NRXN1: variants seen among roughly 807,000 people sequenced by gnomAD.
NRXN1 encodes the protein neurexin 1.
A neutral mutation model predicts 150.9 loss-of-function variants in NRXN1; 39 were observed. The ratio of observed to expected loss-of-function variants is 0.26; its 90% CI spans 0.20 to 0.34. The LOEUF (loss-of-function observed/expected upper bound fraction) is 0.34. NRXN1 is among the 10% of genes least tolerant of loss of function. NRXN1 has a pLI of 1.00. For synonymous variants in NRXN1, 924 were observed against 757.0 expected, an observed-to-expected ratio of 1.22 and a Z score of -3.62; for missense variants, 1,815 against 1,949.9, an observed-to-expected ratio of 0.93 and a Z score of 1.30.
At chr2:50,274,906 A>G (rs2070235521) in intron 17 of NRXN1, among the ~76,000 whole-genome samples, 3 of 152,200 alleles carry the variant, frequency 2.0e-5, no homozygotes. Flanking sequence ...TCTGTACAAC[A>G]GATTTTCTCT....
At chr2:50,411,945 G>C (rs949657902) in intron 17 of NRXN1, among the ~76,000 whole-genome samples, 2 of 152,180 alleles carry the variant, frequency 1.3e-5, no homozygotes, top group African/African-American at 4.8e-5. Flanking sequence ...GTAGACATAG[G>C]AGACTCCATT....
chr2:50,445,329 G>A (rs983719124), intron 17 of NRXN1, among the ~76,000 whole-genome samples: 2 of 152,218 alleles, frequency 1.3e-5, no homozygotes, highest in African/African-American at 2.4e-5. Context: ...ACTAGAGGAA[G>A]TACGTGAATC....
chr2:50,678,843 G>A (rs139422267), intron 5 of NRXN1, among the ~76,000 whole-genome samples: 7 of 152,178 alleles, frequency 4.6e-5, no homozygotes, highest in Non-Finnish European at 7.4e-5. Context: ...ATTGAGCAGA[G>A]CAAATTAGAA....
intron 15 of NRXN1, among the ~76,000 whole-genome samples, chr2:50,480,036 G>T (rs1006526122): frequency 6.6e-6 from 1 of 152,128 alleles, no homozygotes; most frequent in African/African-American, 2.4e-5. Flanking sequence ...GCCTCCCAAA[G>T]TGCTGGGATT....
At chr2:50,374,321 A>AT (rs1368910301) in intron 17 of NRXN1, among the ~76,000 whole-genome samples, 3 of 150,536 alleles carry the variant, frequency 2.0e-5, no homozygotes, top group African/African-American at 7.3e-5. Context: ...AAATAAATAA[A>AT]TAAATAAATA....
At chr2:50,938,639 T>C (rs989607304) in intron 2 of NRXN1, among the ~76,000 whole-genome samples, 3 of 152,312 alleles carry the variant, frequency 2.0e-5, no homozygotes, top group East Asian at 1.9e-4. Flanking sequence ...GGGTAATTCA[T>C]AAAGAGTTTA....
chr2:50,350,411 A>G (rs2078326059), intron 17 of NRXN1, among the ~76,000 whole-genome samples: 1 of 152,242 alleles, frequency 6.6e-6, no homozygotes, highest in African/African-American at 2.4e-5. Context: ...AAAGACCTAA[A>G]ATAGCGCACT....
chr2:50,335,503 G>A (rs755361100), intron 17 of NRXN1, among the ~76,000 whole-genome samples: 3 of 151,984 alleles, frequency 2.0e-5, no homozygotes, highest in East Asian at 1.9e-4. Context: ...GTTTTTCCTC[G>A]TCATCTTTAC....
intron 17 of NRXN1, among the ~76,000 whole-genome samples, chr2:50,434,043 A>ATTTTTT (rs748364051): frequency 6.9e-5 from 5 of 72,154 alleles, no homozygotes; most frequent in South Asian, 4.8e-4. Context: ...TATCTAAGCC[A>ATTTTTT]TTTTTTTTTT....
At chr2:50,666,876 ATGATGTGTGTG>A (rs1443664019) in intron 5 of NRXN1, among the ~76,000 whole-genome samples, 1 of 33,816 alleles carries the variant, frequency 3.0e-5, no homozygotes, top group African/African-American at 1.0e-4. Context: ...GATGATGATG[ATGATGTGTGTG>A]TGTGTGTGTG....
chr2:50,158,308 C>T (rs565526173), intron 18 of NRXN1, among the ~76,000 whole-genome samples: 245 of 151,552 alleles, frequency 1.6e-3, no homozygotes, highest in Non-Finnish European at 2.7e-3. Context: ...TATTCTCCAG[C>T]TTCAATCCAT....
intron 18 of NRXN1, among the ~76,000 whole-genome samples, chr2:50,224,952 C>T (rs2152862958): frequency 6.6e-6 from 1 of 152,062 alleles, no homozygotes; most frequent in East Asian, 1.9e-4. Context: ...TACCTAGACT[C>T]AGAGAAATGA....
rs575568631 is a variant in NRXN1, at chr2:50,976,564, G to A, written c.773-50609C>T. Among the ~76,000 whole-genome samples the A allele has an allele frequency of 7.9e-5, 12 of 151,844 alleles. No individual in the cohort carries two copies. The East Asian group carries it at 2.3e-3, about 29-fold the overall frequency. ...TTTCCATGCTATTTAATGTAAATTTGGAATCTTCTAAAGTAAAAATATTAG... is the reference window on the plus strand; with the variant it reads ...TTTCCATGCTATTTAATGTAAATTTAGAATCTTCTAAAGTAAAAATATTAG... On this transcript the variant is annotated intron_variant, in intron 2 of 22. Coordinates refer to ENST00000401669, the MANE Select transcript of NRXN1 (RefSeq NM_001330078.2).
intron 5 of NRXN1, among the ~76,000 whole-genome samples, chr2:50,888,520 C>G (rs551609878): frequency 4.6e-5 from 7 of 151,554 alleles, no homozygotes; most frequent in African/African-American, 1.7e-4. Flanking sequence ...TTTCTTCCTT[C>G]TTTCCTTTCT....
At chr2:50,686,818 A>G (rs902430873) in intron 5 of NRXN1, among the ~76,000 whole-genome samples, 7 of 152,180 alleles carry the variant, frequency 4.6e-5, no homozygotes, top group Non-Finnish European at 1.0e-4. Context: ...TGGGTTGATT[A>G]GGTCAAGGCA....
intron 5 of NRXN1, among the ~76,000 whole-genome samples, chr2:50,870,983 G>A (rs974069493): frequency 2.0e-5 from 3 of 151,820 alleles, no homozygotes; most frequent in Non-Finnish European, 4.4e-5. Flanking sequence ...GGATTTTAAA[G>A]TACATTCTGA....
At chr2:50,611,859 G>C (rs985162224) in intron 8 of NRXN1, among the ~76,000 whole-genome samples, 1 of 152,082 alleles carries the variant, frequency 6.6e-6, no homozygotes, top group East Asian at 1.9e-4. Flanking sequence ...TCCACTGAAA[G>C]CTCATATATA....
chr2:50,830,469 G>A (rs1000190903), intron 5 of NRXN1, among the ~76,000 whole-genome samples: 1 of 150,494 alleles, frequency 6.6e-6, no homozygotes, highest in African/African-American at 2.4e-5. Flanking sequence ...TGAAACCTTG[G>A]GCAGACGTTT....
chr2:50,403,551 A>C (rs1225493006), intron 17 of NRXN1, among the ~76,000 whole-genome samples: 2 of 152,066 alleles, frequency 1.3e-5, no homozygotes, highest in African/African-American at 4.8e-5. Flanking sequence ...ACTTGACCTT[A>C]TTTTAAAACT....
Sources: allele counts gnomAD v4.1 joint callset (sites outside exome capture counted in the v4.1 genomes callset), GRCh38; gene constraint gnomAD v4.1.1; transcripts MANE v1.5; gene names NCBI Gene and HGNC (gene_info 2026-07-23, HGNC 2026-07-21).